PTCHD1: variants seen among roughly 807,000 people sequenced by gnomAD.
PTCHD1 encodes the protein patched domain-containing protein 1.
Under a neutral mutation model 34.6 loss-of-function variants are expected in PTCHD1, and 3 were observed. The ratio of observed to expected loss-of-function variants is 0.09; its 90% CI spans 0.04 to 0.22. PTCHD1 has a LOEUF of 0.22. Ranked by LOEUF, PTCHD1 falls within the 10% of genes least tolerant of loss-of-function variation. PTCHD1 has a pLI of 1.00. For missense variants in PTCHD1, 504 were observed against 685.5 expected (o/e 0.74, Z 2.96); for synonymous variants, 305 against 283.1 (o/e 1.08, Z -0.77).
chrX:23,339,959 G>A (rs1163561409), intron 1 of PTCHD1, among the ~76,000 whole-genome samples: 2 of 111,743 alleles, frequency 1.8e-5, no homozygotes, highest in Middle Eastern at 4.2e-3. Context: ...GTTCTCAACC[G>A]GGGCTGACTG....
chrX:23,356,377 G>A (rs1027238964), intron 1 of PTCHD1, among the ~76,000 whole-genome samples: 3 of 112,235 alleles, frequency 2.7e-5, no homozygotes, highest in Non-Finnish European at 1.9e-5. Context: ...TCTAAAATGC[G>A]TGTCTAGAGC....
intron 1 of PTCHD1, among the ~76,000 whole-genome samples, chrX:23,340,832 C>A (rs1178915405): frequency 8.9e-6 from 1 of 112,046 alleles, no homozygotes; most frequent in Non-Finnish European, 1.9e-5. Context: ...GGCAGATACT[C>A]TTAGAAAAGA....
intron 1 of PTCHD1, among the ~76,000 whole-genome samples, chrX:23,353,614 A>AAAAC (rs1921715236): frequency 1.1e-4 from 11 of 101,855 alleles, no homozygotes; most frequent in African/African-American, 4.1e-4. Flanking sequence ...CAAAACAAAA[A>AAAAC]AAAAAAACGT....
intron 1 of PTCHD1, among the ~76,000 whole-genome samples, chrX:23,356,416 C>T (rs1189940076): frequency 1.8e-5 from 2 of 112,023 alleles, no homozygotes; most frequent in Non-Finnish European, 3.8e-5. Context: ...TACGCCTAAG[C>T]TAAGCCCATC....
intron 1 of PTCHD1, among the ~76,000 whole-genome samples, chrX:23,356,237 A>G (rs1478905758): frequency 3.6e-5 from 4 of 112,208 alleles, no homozygotes; most frequent in Admixed American, 9.4e-5. Flanking sequence ...CTCCACATGC[A>G]CTGTGCTGGG....
At chrX:23,351,702 T>C (rs1921638500) in intron 1 of PTCHD1, among the ~76,000 whole-genome samples, 1 of 112,629 alleles carries the variant, frequency 8.9e-6, no homozygotes, top group African/African-American at 3.2e-5. Flanking sequence ...GTGCCGCTGC[T>C]CAGAGTTGAA....
At chrX:23,382,861 T>G (rs750990840) in intron 2 of PTCHD1, among the ~76,000 whole-genome samples, 2 of 112,492 alleles carry the variant, frequency 1.8e-5, no homozygotes, top group Non-Finnish European at 3.8e-5. Context: ...AATAAACACT[T>G]TGCACGATGT....
In PTCHD1 at chrX:23,334,921, C is replaced by T. The variant is rs747115836; in HGVS notation, c.46C>T (p.Arg16Trp). The T allele has an allele frequency of 1.3e-5, 16 of 1,199,088 alleles. No individual in the cohort carries two copies. In the South Asian group the frequency reaches 2.5e-4, roughly 19 times the overall value. The change falls in exon 1 of 3, where the codon CGG (arginine) becomes TGG (tryptophan). Residue 16 changes from arginine (R) to tryptophan (W), a missense_variant. Arg to Trp is a moderately radical substitution (Grantham distance 101). Coordinates refer to ENST00000379361, the MANE Select transcript of PTCHD1 (RefSeq NM_173495.3). ...CAGGGGCTTGAGGACGTGTTTCTCC[C>T]GGCTCGGCCACTTCATTGCCAGTCA... ...LHRGLRTCFS[R>W]LGHFIASHPV...
chrX:23,351,186 T>C (rs1405059802), intron 1 of PTCHD1: 30 of 674,351 alleles, frequency 4.4e-5, no homozygotes, highest in Non-Finnish European at 6.9e-5. Flanking sequence ...CATCTGTTGC[T>C]CAGATTGGAA....
intron 1 of PTCHD1, among the ~76,000 whole-genome samples, chrX:23,358,797 T>G (rs1489290269): frequency 9.5e-6 from 1 of 105,534 alleles, no homozygotes; most frequent in Non-Finnish European, 2.0e-5. Context: ...CATTTAAGTC[T>G]TTAATCCAAC....
At chrX:23,354,958 C>G (rs1921762051) in intron 1 of PTCHD1, among the ~76,000 whole-genome samples, 1 of 104,786 alleles carries the variant, frequency 9.5e-6, no homozygotes, top group Admixed American at 1.1e-4. Flanking sequence ...TCCACCCAGA[C>G]ATTGTTCCCA....
At chrX:23,351,730 AAGT>A (rs1479302298) in intron 1 of PTCHD1, among the ~76,000 whole-genome samples, 1 of 112,624 alleles carries the variant, frequency 8.9e-6, no homozygotes, top group Non-Finnish European at 1.9e-5. Context: ...AAGATTTAAA[AAGT>A]AGCCATTGAA....
intron 1 of PTCHD1, among the ~76,000 whole-genome samples, chrX:23,345,676 G>C (rs985962114): frequency 9.0e-6 from 1 of 111,270 alleles, no homozygotes; most frequent in Non-Finnish European, 1.9e-5. Context: ...TGCTGTTCTT[G>C]CTGGTCTAGG....
In PTCHD1 at chrX:23,335,178, C is replaced by G. The variant is rs753716971; in HGVS notation, c.303C>G (p.Phe101Leu). ...ACGGCCGGGTCATCGTCACCTCCTT[C>G]CAGAAAGCCAACATGCTGGACCAGC... is the stretch of plus-strand genomic sequence containing the variant. ...GRYGRVIVTS[F>L]QKANMLDQHH... The change falls in exon 1 of 3, where the codon TTC (phenylalanine) becomes TTG (leucine). Residue 101 changes from phenylalanine (F) to leucine (L), a missense_variant. Physicochemically the swap from Phe to Leu is conservative, Grantham distance 22. Transcript: ENST00000379361. 1 of 1,211,949 alleles carries G rather than the reference C, an allele frequency of 8.3e-7. No individual in the cohort carries two copies. Among genetic ancestry groups the G allele is most frequent in the African/African-American group, 1.7e-5 (1 of 57,987 alleles).
At position 23,392,458 on chromosome X, in the gene PTCHD1, A is replaced by C. The variant is rs896347267; in HGVS notation, c.1013-73A>C. 3 of 704,691 alleles carry C rather than the reference A, an allele frequency of 4.3e-6. No homozygotes were observed. The African/African-American group carries it at 6.3e-5, about 15-fold the overall frequency. 58.1% of individuals were successfully genotyped at this position (704,691 alleles called of 1,213,427 possible). A position where few individuals can be genotyped will look rare whatever the true frequency, so the allele number is the denominator to read the frequency against. On this transcript the variant is annotated intron_variant, in intron 2 of 2. Coordinates refer to ENST00000379361, the MANE Select transcript of PTCHD1 (RefSeq NM_173495.3). Reference sequence around the variant, plus strand: ...GTTTCCTTTGACCCAGTAGTCCCTCATAATCAAGTTGATTTCCCTCTTAAG... The same window carrying C: ...GTTTCCTTTGACCCAGTAGTCCCTCCTAATCAAGTTGATTTCCCTCTTAAG...
chrX:23,358,138 T>C (rs1921861180), intron 1 of PTCHD1, among the ~76,000 whole-genome samples: 2 of 112,011 alleles, frequency 1.8e-5, no homozygotes, highest in East Asian at 2.8e-4. Flanking sequence ...TGTGTCTTTA[T>C]AGTAGCATGA....
At chrX:23,390,066 A>G (rs1290938438) in intron 2 of PTCHD1, among the ~76,000 whole-genome samples, 1 of 112,084 alleles carries the variant, frequency 8.9e-6, no homozygotes, top group Non-Finnish European at 1.9e-5. Context: ...ATTTTCCAAA[A>G]ATCAGGGTCA....
chrX:23,349,148 T>G (rs1921557506), intron 1 of PTCHD1, among the ~76,000 whole-genome samples: 1 of 110,551 alleles, frequency 9.0e-6, no homozygotes, highest in Admixed American at 9.6e-5. Context: ...TTTAAAGAAG[T>G]AAAATTGATA....
chrX:23,379,985 T>C lies in PTCHD1; in HGVS notation c.746T>C (p.Met249Thr). ...LFQKSNSKVK[M>T]YPYTSSSLRE... ...CAGAAATCCAACAGCAAAGTCAAAATGTACCCTTACACGTCCTCCTCACTG... is the reference window on the plus strand; with the variant it reads ...CAGAAATCCAACAGCAAAGTCAAAACGTACCCTTACACGTCCTCCTCACTG... The change falls in exon 2 of 3, where the codon ATG (methionine) becomes ACG (threonine). Residue 249 changes from methionine (M) to threonine (T), a missense_variant. Met to Thr is a moderately conservative substitution (Grantham distance 81). Coordinates refer to ENST00000379361, the MANE Select transcript of PTCHD1 (RefSeq NM_173495.3). 3 of 1,211,830 alleles carry C rather than the reference T, an allele frequency of 2.5e-6. No homozygotes were observed. Among genetic ancestry groups the C allele is most frequent in the Non-Finnish European group, 3.3e-6 (3 of 895,527 alleles).
Sources: allele counts gnomAD v4.1 joint callset (sites outside exome capture counted in the v4.1 genomes callset), GRCh38; gene constraint gnomAD v4.1.1; transcripts MANE v1.5; gene names NCBI Gene and HGNC (gene_info 2026-07-23, HGNC 2026-07-21).